The following LIN52 variants were observed in gnomAD, a reference collection of about 807,000 sequenced individuals.
LIN52 encodes the protein protein lin-52 homolog.
Under a neutral mutation model 18.5 loss-of-function variants are expected in LIN52, and 4 were observed. The observed-to-expected ratio is 0.22, with a 90% CI of 0.11 to 0.49. The LOEUF (loss-of-function observed/expected upper bound fraction) is 0.49, where lower values mean the gene tolerates loss of function less well. Among genes scored for constraint, LIN52 ranks in the 20% least tolerant of loss-of-function variants. LIN52 has a pLI of 0.97. For missense variants in LIN52, 102 were observed against 139.5 expected, an observed-to-expected ratio of 0.73 and a Z score of 1.35; for synonymous variants, 34 against 45.5, an observed-to-expected ratio of 0.75 and a Z score of 1.02.
chr14:74,181,460 C>A (rs1455322506), intron 5 of LIN52, among the ~76,000 whole-genome samples: 1 of 151,540 alleles, frequency 6.6e-6, no homozygotes, highest in Non-Finnish European at 1.5e-5. Flanking sequence ...AATTCTAGTA[C>A]ATGCTTATGC....
At chr14:74,196,960 GA>G (rs1167817354) in intron 5 of LIN52, among the ~76,000 whole-genome samples, 1 of 152,176 alleles carries the variant, frequency 6.6e-6, no homozygotes, top group African/African-American at 2.4e-5. Flanking sequence ...TTCTCTGCAA[GA>G]AGCCCATGCT....
chr14:74,198,361 G>C (rs772185895), intron 5 of LIN52, among the ~76,000 whole-genome samples: 3 of 152,228 alleles, frequency 2.0e-5, no homozygotes, highest in Non-Finnish European at 4.4e-5. Context: ...CAATGCCAAG[G>C]GAGAGAAGAC....
chr14:74,185,594 T>G (rs2061337818), intron 5 of LIN52, among the ~76,000 whole-genome samples: 1 of 152,168 alleles, frequency 6.6e-6, no homozygotes, highest in South Asian at 2.1e-4. Context: ...ATTACAGGCA[T>G]GAGCCACCGC....
chr14:74,145,541 G>T (rs928498280), intron 5 of LIN52, among the ~76,000 whole-genome samples: 14 of 152,198 alleles, frequency 9.2e-5, no homozygotes, highest in Non-Finnish European at 1.9e-4. Context: ...TAATAAGTTT[G>T]CTATCTTTGT....
At chr14:74,095,149 G>GTTTTTTTTTTTTT (rs35455851) in intron 2 of LIN52, among the ~76,000 whole-genome samples, 1 of 103,740 alleles carries the variant, frequency 9.6e-6, no homozygotes, top group African/African-American at 3.8e-5. Context: ...CCAACTAACT[G>GTTTTTTTTTTTTT]TTTTTTTTTT....
intron 5 of LIN52, among the ~76,000 whole-genome samples, chr14:74,129,530 T>G (rs1370393437): frequency 6.6e-6 from 1 of 152,132 alleles, no homozygotes; most frequent in Non-Finnish European, 1.5e-5. Flanking sequence ...TGCTTATATG[T>G]TGGATCCCAG....
At chr14:74,190,527 G>C (rs2061359345) in intron 5 of LIN52, among the ~76,000 whole-genome samples, 1 of 151,300 alleles carries the variant, frequency 6.6e-6, no homozygotes, top group Non-Finnish European at 1.5e-5. Context: ...AAGTAGCTGG[G>C]ATTACAAGCA....
intron 5 of LIN52, among the ~76,000 whole-genome samples, chr14:74,137,124 C>G (rs2061101783): frequency 6.7e-6 from 1 of 149,268 alleles, no homozygotes; most frequent in Non-Finnish European, 1.5e-5. Context: ...ACCCAGCAAA[C>G]CCCCCTCTGT....
chr14:74,137,828 A>G (rs777589716), intron 5 of LIN52, among the ~76,000 whole-genome samples: 2 of 152,054 alleles, frequency 1.3e-5, no homozygotes, highest in Non-Finnish European at 2.9e-5. Context: ...AATATTTACC[A>G]GCTTTTTCCT....
At chr14:74,152,797 T>TA (rs1212082361) in intron 5 of LIN52, among the ~76,000 whole-genome samples, 1 of 151,782 alleles carries the variant, frequency 6.6e-6, no homozygotes, top group Non-Finnish European at 1.5e-5. Flanking sequence ...CCATCTCTAC[T>TA]AAAAATACAA....
intron 5 of LIN52, among the ~76,000 whole-genome samples, chr14:74,151,186 C>CT (rs1370388950): frequency 6.6e-6 from 1 of 151,918 alleles, no homozygotes; most frequent in Non-Finnish European, 1.5e-5. Context: ...GGGGTAGCAA[C>CT]TTTTTTCGGT....
Position 74,156,148 on chromosome 14 carries a change from G to A in LIN52, c.284-42774G>A, listed in dbSNP as rs563532726. ...GTAGATAAGGTTATTGATTTGCTTT[G>A]TCCTCCTATTTTAAGCCAGGTAAAG... is the stretch of plus-strand genomic sequence containing the variant. On this transcript the variant is annotated intron_variant, in intron 5 of 5. Coordinates refer to ENST00000555028, the MANE Select transcript of LIN52 (RefSeq NM_001024674.3). 4.6e-5 allele frequency among the ~76,000 whole-genome samples: 7 copies of A among 152,238 alleles called. No homozygotes were observed. The South Asian group carries it at 1.5e-3, about 32-fold the overall frequency.
At chr14:74,197,471 C>CAGTA (rs2078921102) in intron 5 of LIN52, among the ~76,000 whole-genome samples, 1 of 152,150 alleles carries the variant, frequency 6.6e-6, no homozygotes, top group African/African-American at 2.4e-5. Context: ...AAGCTCTTAA[C>CAGTA]AGTCTCTGCC....
Position 74,199,223 on chromosome 14 carries a change from G to A in LIN52, c.*246G>A. ...TCAGACTTGAACCTTCTTAGCCTCG[G>A]ATATTGGTAACAGCTGAGGGCATAT... On this transcript the variant is annotated 3_prime_UTR_variant, in exon 6 of 6. Coordinates refer to ENST00000555028, the MANE Select transcript of LIN52 (RefSeq NM_001024674.3). 1 of 398,596 alleles carries A rather than the reference G, an allele frequency of 2.5e-6. No homozygotes were observed. The highest frequency in any genetic ancestry group is 4.5e-6 in the Non-Finnish European group (1 of 223,202). 24.7% of individuals were successfully genotyped at this position (398,596 alleles called of 1,614,324 possible).
At chr14:74,160,289 C>A (rs1401423936) in intron 5 of LIN52, among the ~76,000 whole-genome samples, 1 of 152,106 alleles carries the variant, frequency 6.6e-6, no homozygotes, top group Non-Finnish European at 1.5e-5. Context: ...GCCTCACAGC[C>A]CTCAGAAGGA....
At chr14:74,122,901 A>AAAAAC (rs71460957) in intron 5 of LIN52, among the ~76,000 whole-genome samples, 16,890 of 144,066 alleles carry the variant, frequency 0.12, 1,224 homozygotes, top group Admixed American at 0.2. Context: ...AAACAAAAAC[A>AAAAAC]AAAACCAGTT....
rs374055679 is a variant in LIN52, at chr14:74,157,460, T to TATATATATA, written c.284-41462_284-41461insATATATATA. On this transcript the variant is annotated intron_variant, in intron 5 of 5. Coordinates refer to ENST00000555028, the MANE Select transcript of LIN52 (RefSeq NM_001024674.3). ...TACTCCTGCTATATATATATATATA[T>TATATATATA]TTTTTAATTAATTTATTTATTTTAG... is the stretch of plus-strand genomic sequence containing the variant. Among the ~76,000 whole-genome samples, 255 of 99,594 alleles carry TATATATATA rather than the reference T, an allele frequency of 2.6e-3. 2 individuals are homozygous for TATATATATA. Among genetic ancestry groups the TATATATATA allele is most frequent in the African/African-American group, 8.5e-3 (243 of 28,566 alleles). 65.3% of individuals were successfully genotyped at this position (99,594 alleles called of 152,430 possible). A position where few individuals can be genotyped will look rare whatever the true frequency, so the allele number is the denominator to read the frequency against.
chr14:74,150,541 G>T (rs1443340949), intron 5 of LIN52, among the ~76,000 whole-genome samples: 2 of 152,162 alleles, frequency 1.3e-5, no homozygotes, highest in Non-Finnish European at 2.9e-5. Context: ...TGATGGCTGG[G>T]AGGGGGCCTG....
intron 5 of LIN52, among the ~76,000 whole-genome samples, chr14:74,186,326 A>G (rs1162366043): frequency 6.6e-6 from 1 of 151,998 alleles, no homozygotes; most frequent in Non-Finnish European, 1.5e-5. Flanking sequence ...AAAAAACTGA[A>G]AAGGAAATAG....
Sources: allele counts gnomAD v4.1 joint callset (sites outside exome capture counted in the v4.1 genomes callset), GRCh38; gene constraint gnomAD v4.1.1; transcripts MANE v1.5; gene names NCBI Gene and HGNC (gene_info 2026-07-23, HGNC 2026-07-21).